Variants in SH3BP4 observed in about 807,000 individuals in gnomAD.
The protein encoded by SH3BP4 is SH3 domain-binding protein 4.
A neutral mutation model predicts 65.5 loss-of-function variants in SH3BP4; 33 were observed. The observed-to-expected ratio is 0.50, with a 90% CI of 0.38 to 0.67. SH3BP4 has a LOEUF of 0.67. SH3BP4 is among the 30% of genes least tolerant of loss of function. SH3BP4 has a pLI of 0.00. For missense variants in SH3BP4, 1,134 were observed against 1,261.4 expected (o/e 0.90, Z 1.53); for synonymous variants, 552 against 545.5 (o/e 1.01, Z -0.17).
intron 1 of SH3BP4, among the ~76,000 whole-genome samples, chr2:234,966,159 A>G (rs1298799362): frequency 1.3e-5 from 2 of 152,216 alleles, no homozygotes; most frequent in Admixed American, 1.3e-4. Context: ...CAGGTGGATC[A>G]CTTGAGGTCA....
At chr2:234,973,837 G>A (rs1693084834) in intron 1 of SH3BP4, among the ~76,000 whole-genome samples, 2 of 151,988 alleles carry the variant, frequency 1.3e-5, no homozygotes, top group Admixed American at 1.3e-4. Flanking sequence ...GTTTCCCTAT[G>A]TTGCCCAGGC....
chr2:235,028,059 C>T (rs1010179952), intron 2 of SH3BP4, among the ~76,000 whole-genome samples: 1 of 152,194 alleles, frequency 6.6e-6, no homozygotes, highest in Non-Finnish European at 1.5e-5. Context: ...TCTGTTCAGA[C>T]GCTGCCCTCT....
intron 2 of SH3BP4, among the ~76,000 whole-genome samples, chr2:235,010,767 TAGG>T (rs10600366): frequency 0.41 from 42,493 of 104,348 alleles, 11,716 homozygotes; most frequent in African/African-American, 0.75. Context: ...CTCCCTCTCC[TAGG>T]AGAACCCTTC....
At position 235,042,601 on chromosome 2, in the gene SH3BP4, C is replaced by T; in HGVS notation, c.1832C>T (p.Pro611Leu). The T allele has an allele frequency of 1.2e-6, 2 of 1,614,100 alleles. No homozygotes were observed. Among genetic ancestry groups the T allele is most frequent in the Non-Finnish European group, 1.7e-6 (2 of 1,180,020 alleles). Residue 611 changes from proline (P) to leucine (L), a missense_variant, in exon 4 of 6, where the codon CCA becomes CTA. Pro to Leu is a moderately conservative substitution (Grantham distance 98). Transcript: ENST00000392011. The surrounding 1 kb of genome is among the most constrained non-coding windows in gnomAD (Gnocchi z 7.3). ...CAGTTTTGTGTCCAGACTCCTCAGCCACCCCCTAAAAGTGCCATCAAGCCT... is the reference window on the plus strand; with the variant it reads ...CAGTTTTGTGTCCAGACTCCTCAGCTACCCCCTAAAAGTGCCATCAAGCCT... Reference protein sequence around the residue: ...LTQFCVQTPQPPPKSAIKPSG... With the variant: ...LTQFCVQTPQLPPKSAIKPSG...
In SH3BP4 at chr2:235,046,830, A is replaced by G. The variant is rs1695876282; in HGVS notation, c.2478+3583A>G. Among the ~76,000 whole-genome samples the G allele has an allele frequency of 1.3e-5, 2 of 152,160 alleles. No homozygotes were observed. The highest frequency in any genetic ancestry group is 1.3e-4 in the Admixed American group (2 of 15,288). Reference sequence around the variant, plus strand: ...GGAGGCATTCTCACGTGGCCATACCATGCTTCTGTTCTGTGGTTCCATTTC... The same window carrying G: ...GGAGGCATTCTCACGTGGCCATACCGTGCTTCTGTTCTGTGGTTCCATTTC... On this transcript the variant is annotated intron_variant, in intron 4 of 5. Transcript: ENST00000392011. The surrounding 1 kb of genome is among the most constrained non-coding windows in gnomAD (Gnocchi z 4.2).
intron 2 of SH3BP4, among the ~76,000 whole-genome samples, chr2:235,002,683 G>A (rs1049639686): frequency 7.2e-5 from 11 of 152,192 alleles, no homozygotes; most frequent in South Asian, 2.1e-4. Flanking sequence ...CTGTGATCAC[G>A]CCACTGCACT....
chr2:234,970,229 G>A (rs1245558037), intron 1 of SH3BP4, among the ~76,000 whole-genome samples: 5 of 152,194 alleles, frequency 3.3e-5, no homozygotes, highest in African/African-American at 4.8e-5. Context: ...ATTTGGGAAC[G>A]CTGATGCCGA....
chr2:234,956,423 A>G (rs540868464), intron 1 of SH3BP4, among the ~76,000 whole-genome samples: 2 of 152,340 alleles, frequency 1.3e-5, no homozygotes, highest in Non-Finnish European at 2.9e-5. Context: ...ATAAAAGCTT[A>G]TCTCAGGGGA....
Position 235,041,944 on chromosome 2 carries a change from T to C in SH3BP4, c.1175T>C (p.Ile392Thr), listed in dbSNP as rs1274739691. 3.1e-6 allele frequency: 5 copies of C among 1,613,468 alleles called. No individual in the cohort carries two copies. Among genetic ancestry groups the C allele is most frequent in the Non-Finnish European group, 4.2e-6 (5 of 1,179,574 alleles). The change falls in exon 4 of 6, where the codon ATC becomes ACC. Residue 392 changes from isoleucine (I) to threonine (T), a missense_variant. Ile to Thr is a moderately conservative substitution (Grantham distance 89, BLOSUM62 -1). Transcript: ENST00000392011. This position sits in a 1 kb window ranked among gnomAD's most constrained non-coding sequence, Gnocchi z 6.0. The stretch of plus-strand genomic sequence containing the variant: ...AACCTGGAGGTGAAAACCTCTATCA[T>C]CTTGGAGATGAAAGTGTCAGCCGAG... ...LSNLEVKTSI[I>T]LEMKVSAEIK...
chr2:235,005,499 C>T (rs1443520948), intron 2 of SH3BP4, among the ~76,000 whole-genome samples: 2 of 152,124 alleles, frequency 1.3e-5, no homozygotes, highest in Admixed American at 6.5e-5. Context: ...CTGTTGGGGC[C>T]TTGAGTGATG....
chr2:235,022,476 G>A (rs1423250420), intron 2 of SH3BP4, among the ~76,000 whole-genome samples: 5 of 152,106 alleles, frequency 3.3e-5, no homozygotes, highest in East Asian at 3.9e-4. Context: ...AGCCAAGATC[G>A]TGCCACTGCA....
rs140302634 is a variant in SH3BP4, at chr2:234,963,237, A to G, written c.-207+11067A>G. 1.8e-4 allele frequency among the ~76,000 whole-genome samples: 27 copies of G among 152,348 alleles called. No homozygotes were observed. The East Asian group carries it at 3.5e-3, about 20-fold the overall frequency. On this transcript the variant is annotated intron_variant, in intron 1 of 5. Coordinates refer to ENST00000392011, the MANE Select transcript of SH3BP4 (RefSeq NM_014521.3). ...TTTTGAAATTATAAACAACACTGCA[A>G]TGAACATCTTTGATATATAGATTTT...
chr2:234,958,709 G>T (rs762031080), intron 1 of SH3BP4, among the ~76,000 whole-genome samples: 1 of 151,924 alleles, frequency 6.6e-6, no homozygotes, highest in Non-Finnish European at 1.5e-5. Flanking sequence ...GGGAGAGGGG[G>T]TTGAGAGCTC....
chr2:235,009,766 G>C (rs1694416519), intron 2 of SH3BP4, among the ~76,000 whole-genome samples: 2 of 151,998 alleles, frequency 1.3e-5, no homozygotes, highest in South Asian at 4.2e-4. Context: ...CTCCTCACGT[G>C]GGTACCCTAT....
chr2:235,035,653 A>G lies in SH3BP4; in HGVS notation c.118+533A>G, dbSNP rs57702936. Among the ~76,000 whole-genome samples the G allele has an allele frequency of 2.6e-3, 401 of 152,162 alleles. No homozygotes were observed. The highest frequency in any genetic ancestry group is 0.02 in the Middle Eastern group (6 of 294). ...GTTTCCAAGACAACTTTTTTTTTGCAGACAGCCCCATTTGGCCCCAGGGCC... is the reference window on the plus strand; with the variant it reads ...GTTTCCAAGACAACTTTTTTTTTGCGGACAGCCCCATTTGGCCCCAGGGCC... On this transcript the variant is annotated intron_variant, in intron 3 of 5. Coordinates refer to ENST00000392011, the MANE Select transcript of SH3BP4 (RefSeq NM_014521.3). This position sits in a 1 kb window ranked among gnomAD's most constrained non-coding sequence, Gnocchi z 5.0.
chr2:234,977,239 C>T lies in SH3BP4; in HGVS notation c.-206-18064C>T, dbSNP rs184635251. 2.5e-4 allele frequency among the ~76,000 whole-genome samples: 38 copies of T among 152,332 alleles called. No homozygotes were observed. The East Asian group carries it at 5.2e-3, about 21-fold the overall frequency. On this transcript the variant is annotated intron_variant, in intron 1 of 5. Coordinates refer to ENST00000392011, the MANE Select transcript of SH3BP4 (RefSeq NM_014521.3). This position sits in a 1 kb window ranked among gnomAD's most constrained non-coding sequence, Gnocchi z 5.1. ...GCAGGTGACACTGGGCACCTCCTGCCGGGGAGAAGCTCAGGGTCCCCATTT... is the reference window on the plus strand; with the variant it reads ...GCAGGTGACACTGGGCACCTCCTGCTGGGGAGAAGCTCAGGGTCCCCATTT...
At chr2:235,021,975 T>C (rs1694857738) in intron 2 of SH3BP4, among the ~76,000 whole-genome samples, 1 of 152,226 alleles carries the variant, frequency 6.6e-6, no homozygotes, top group South Asian at 2.1e-4. Context: ...AAATAAATTC[T>C]TTGTACATTA....
intron 2 of SH3BP4, among the ~76,000 whole-genome samples, chr2:235,018,964 A>C (rs1295880614): frequency 6.6e-6 from 1 of 152,202 alleles, no homozygotes; most frequent in Non-Finnish European, 1.5e-5. Context: ...CACTGGCCTG[A>C]GATCTGGGTG....
At chr2:235,031,844 A>G (rs1390808034) in intron 2 of SH3BP4, among the ~76,000 whole-genome samples, 2 of 152,254 alleles carry the variant, frequency 1.3e-5, no homozygotes, top group Non-Finnish European at 2.9e-5. Context: ...CGATGCCCTG[A>G]GCAGCCTGCG....
Sources: gnomAD v4.1 joint callset for allele counts (sites outside exome capture counted in the v4.1 genomes callset) on GRCh38, gnomAD v4.1.1 for gene constraint, Gnocchi (gnomAD v3.1) non-coding constraint, MANE v1.5 for transcripts, NCBI Gene and HGNC (gene_info 2026-07-23, HGNC 2026-07-21) for gene names.